FAT3: variants seen among roughly 807,000 people sequenced by gnomAD.
FAT3 encodes the protein FAT atypical cadherin 3, also known as protocadherin Fat 3.
Under a neutral mutation model 310.2 loss-of-function variants are expected in FAT3, and 95 were observed. That is an observed-to-expected ratio of 0.31 (90% CI 0.26 to 0.36). The LOEUF (loss-of-function observed/expected upper bound fraction) is 0.36. FAT3 is among the 10% of genes least tolerant of loss of function. The pLI is 1.00. For missense variants in FAT3, 5,408 were observed against 5,715.6 expected (o/e 0.95, Z 1.74); for synonymous variants, 2,314 against 2,192.9 (o/e 1.06, Z -1.54).
intron 7 of FAT3, among the ~76,000 whole-genome samples, chr11:92,777,837 A>G (rs1221181246): frequency 1.3e-5 from 2 of 152,122 alleles, no homozygotes; most frequent in Admixed American, 6.5e-5. Flanking sequence ...GTCTAACTGT[A>G]GTAAGAATTC....
At chr11:92,455,459 G>A (rs1951471479) in intron 2 of FAT3, among the ~76,000 whole-genome samples, 2 of 152,134 alleles carry the variant, frequency 1.3e-5, no homozygotes, top group Non-Finnish European at 2.9e-5. Context: ...ATGGGCTGAT[G>A]TTTTCCAGGC....
chr11:92,824,734 C>T (rs1030492333), intron 13 of FAT3, among the ~76,000 whole-genome samples: 1 of 151,588 alleles, frequency 6.6e-6, no homozygotes, highest in Non-Finnish European at 1.5e-5. Context: ...GAAAACAAGT[C>T]ATTTTTAACC....
chr11:92,701,739 A>C lies in FAT3; in HGVS notation c.3669+4294A>C, dbSNP rs58731082. On this transcript the variant is annotated intron_variant, in intron 4 of 27. Coordinates refer to ENST00000525166, the MANE Select transcript of FAT3 (RefSeq NM_001367949.2). ...TAATGGACACGTAAATGAAACAGTG[A>C]ATTAACGTTTTAGTTTTTTGGTTGT... Among the ~76,000 whole-genome samples the C allele has an allele frequency of 2.9e-3, 446 of 152,324 alleles. 2 individuals carry two copies. The highest frequency in any genetic ancestry group is 0.01 in the African/African-American group (432 of 41,574).
At chr11:92,374,382 A>G (rs1305887587) in intron 2 of FAT3, among the ~76,000 whole-genome samples, 2 of 152,256 alleles carry the variant, frequency 1.3e-5, no homozygotes, top group Non-Finnish European at 2.9e-5. Context: ...ATGCAATTGA[A>G]GGATCAATAA....
At chr11:92,695,478 ACAG>A (rs1166587894) in intron 3 of FAT3, among the ~76,000 whole-genome samples, 1 of 151,996 alleles carries the variant, frequency 6.6e-6, no homozygotes, top group Non-Finnish European at 1.5e-5. Flanking sequence ...GCTCATTCAC[ACAG>A]AGGAACTCTG....
chr11:92,669,353 A>G (rs761668260), intron 3 of FAT3, among the ~76,000 whole-genome samples: 10 of 152,244 alleles, frequency 6.6e-5, no homozygotes, highest in Non-Finnish European at 1.2e-4. Flanking sequence ...CTACACAGCT[A>G]TAGTGCAAAT....
At chr11:92,749,740 G>A (rs1001837902) in intron 4 of FAT3, among the ~76,000 whole-genome samples, 3 of 152,244 alleles carry the variant, frequency 2.0e-5, no homozygotes, top group East Asian at 1.9e-4. Flanking sequence ...GATTTACAGG[G>A]TCTTGTCAAT....
chr11:92,605,688 A>G (rs1347226828), intron 3 of FAT3, among the ~76,000 whole-genome samples: 1 of 151,286 alleles, frequency 6.6e-6, no homozygotes, highest in African/African-American at 2.4e-5. Context: ...TCACAAAATT[A>G]AACCTCAAGA....
intron 1 of FAT3, among the ~76,000 whole-genome samples, chr11:92,331,285 TTC>T (rs937451046): frequency 1.7e-4 from 25 of 144,568 alleles, no homozygotes; most frequent in African/African-American, 6.3e-4. Context: ...GTTTTATTTC[TTC>T]TTTTTTTTTT....
intron 1 of FAT3, among the ~76,000 whole-genome samples, chr11:92,248,031 A>G (rs767857331): frequency 2.3e-4 from 35 of 152,142 alleles, no homozygotes; most frequent in Non-Finnish European, 4.3e-4. Flanking sequence ...TAAGAATAAC[A>G]TTTAAATGAA....
chr11:92,290,222 C>A (rs772518733), intron 1 of FAT3, among the ~76,000 whole-genome samples: 1 of 152,052 alleles, frequency 6.6e-6, no homozygotes, highest in African/African-American at 2.4e-5. Context: ...CTCTATAGTC[C>A]TTTGCATCAT....
chr11:92,826,057 C>T (rs1948096275), intron 13 of FAT3, among the ~76,000 whole-genome samples: 1 of 152,062 alleles, frequency 6.6e-6, no homozygotes, highest in Admixed American at 6.6e-5. Context: ...TTTGGGACTC[C>T]ACTTACTCTC....
intron 2 of FAT3, among the ~76,000 whole-genome samples, chr11:92,524,300 C>T (rs1415150007): frequency 6.6e-6 from 1 of 152,036 alleles, no homozygotes; most frequent in Non-Finnish European, 1.5e-5. Flanking sequence ...AGTGCTTTGA[C>T]CCCTGGCCCA....
intron 4 of FAT3, among the ~76,000 whole-genome samples, chr11:92,722,416 G>T (rs1944887497): frequency 6.6e-6 from 1 of 152,204 alleles, no homozygotes; most frequent in Non-Finnish European, 1.5e-5. Context: ...TGCCTCTGTG[G>T]CTTTGCAGGG....
chr11:92,343,520 A>G (rs894477950), intron 1 of FAT3, among the ~76,000 whole-genome samples: 5 of 152,192 alleles, frequency 3.3e-5, no homozygotes, highest in Admixed American at 1.3e-4. Flanking sequence ...ACTTTTGGCC[A>G]TTGACTAAGT....
chr11:92,647,044 C>A (rs1306799466), intron 3 of FAT3, among the ~76,000 whole-genome samples: 1 of 151,988 alleles, frequency 6.6e-6, no homozygotes, highest in Non-Finnish European at 1.5e-5. Context: ...TTTCTTTTAC[C>A]CATTGGCTTT....
intron 14 of FAT3, among the ~76,000 whole-genome samples, chr11:92,834,042 C>G (rs1245582995): frequency 6.6e-6 from 1 of 152,186 alleles, no homozygotes; most frequent in Non-Finnish European, 1.5e-5. Flanking sequence ...CACCAGTCCT[C>G]ATGATTGTTT....
intron 3 of FAT3, among the ~76,000 whole-genome samples, chr11:92,606,962 A>T (rs1197123227): frequency 6.6e-6 from 1 of 152,160 alleles, no homozygotes; most frequent in African/African-American, 2.4e-5. Flanking sequence ...ATTTGGATAG[A>T]TTTCAGAGGA....
intron 9 of FAT3, among the ~76,000 whole-genome samples, chr11:92,796,546 T>G (rs1239717843): frequency 2.0e-5 from 3 of 152,198 alleles, no homozygotes; most frequent in Non-Finnish European, 4.4e-5. Flanking sequence ...ATTTTAATGA[T>G]TTTAACATTT....
Sources: gnomAD v4.1 joint callset for allele counts (sites outside exome capture counted in the v4.1 genomes callset) on GRCh38, gnomAD v4.1.1 for gene constraint, MANE v1.5 for transcripts, NCBI Gene and HGNC (gene_info 2026-07-23, HGNC 2026-07-21) for gene names.